The following MLPH variants were observed in gnomAD, a reference collection of about 807,000 sequenced individuals.
The protein encoded by MLPH is melanophilin, also known as exophilin-3.
MLPH carries 51 observed loss-of-function variants against 72.1 expected under a neutral mutation model. The ratio of observed to expected loss-of-function variants is 0.71; its 90% CI spans 0.56 to 0.89. MLPH has a LOEUF of 0.89. MLPH is among the 40% of genes least tolerant of loss of function. The probability of loss-of-function intolerance (pLI) is 0.00; values close to 1 mark genes in which losing one functional copy is unlikely to be tolerated. For missense variants in MLPH, 743 were observed against 759.9 expected, an observed-to-expected ratio of 0.98 and a Z score of 0.26; for synonymous variants, 301 against 310.1, an observed-to-expected ratio of 0.97 and a Z score of 0.31.
chr2:237,511,386 A>G (rs887955427), intron 4 of MLPH: 4 of 415,714 alleles, frequency 9.6e-6, no homozygotes, highest in Non-Finnish European at 1.8e-5. Context: ...TGCTGGGGTT[A>G]TAAGTGTGAG....
intron 6 of MLPH, among the ~76,000 whole-genome samples, chr2:237,522,677 CTG>C (rs1358410629): frequency 6.6e-6 from 1 of 152,082 alleles, no homozygotes; most frequent in Non-Finnish European, 1.5e-5. Flanking sequence ...AGGGCTGAGA[CTG>C]GGGTTGGGCC....
At position 237,499,829 on chromosome 2, in the gene MLPH, C is replaced by T. The variant is rs180990621; in HGVS notation, c.110+6293C>T. On this transcript the variant is annotated intron_variant, in intron 2 of 15. Transcript: ENST00000264605. ...GCGTGATCATGGCTCACTGCAGCCT[C>T]GACCTCCCAGGCTCAAGTAACCCTC... 4.6e-5 allele frequency among the ~76,000 whole-genome samples: 7 copies of T among 152,134 alleles called. No individual in the cohort carries two copies. The East Asian group carries it at 9.7e-4, about 21-fold the overall frequency.
chr2:237,551,767 C>T (rs1262228510), intron 14 of MLPH, among the ~76,000 whole-genome samples: 1 of 152,074 alleles, frequency 6.6e-6, no homozygotes, highest in East Asian at 1.9e-4. Flanking sequence ...CACTTGAAGT[C>T]AGGAGTTCGA....
intron 1 of MLPH, among the ~76,000 whole-genome samples, chr2:237,488,510 T>C (rs975221931): frequency 1.3e-5 from 2 of 152,082 alleles, no homozygotes; most frequent in Admixed American, 6.5e-5. Context: ...GCCTCAGCCT[T>C]CCTGGGCCCA....
At position 237,512,014 on chromosome 2, in the gene MLPH, G is replaced by A. The variant is rs1012330287; in HGVS notation, c.445+913G>A. ...GGCCAAGCATTCGGGTGGGACAGCC[G>A]CCACCAAGCCAGGTGTCTGGGGTCT... On this transcript the variant is annotated intron_variant, in intron 4 of 15. Coordinates refer to ENST00000264605, the MANE Select transcript of MLPH (RefSeq NM_024101.7). This position sits in a 1 kb window ranked among gnomAD's most constrained non-coding sequence, Gnocchi z 5.5. Among the ~76,000 whole-genome samples the A allele has an allele frequency of 1.3e-5, 2 of 152,266 alleles. No homozygotes were observed. Among genetic ancestry groups the A allele is most frequent in the South Asian group, 4.2e-4 (2 of 4,814 alleles).
At chr2:237,493,320 T>G (rs900474219) in intron 1 of MLPH, 83 bp from the exon 2 acceptor site, 3 of 882,458 alleles carry the variant, frequency 3.4e-6, no homozygotes, top group Non-Finnish European at 5.8e-6. Context: ...GTCAGCAGCG[T>G]TCTGTGTTGT....
chr2:237,491,932 C>T (rs1403212638), intron 1 of MLPH, among the ~76,000 whole-genome samples: 2 of 152,170 alleles, frequency 1.3e-5, no homozygotes, highest in Non-Finnish European at 2.9e-5. Flanking sequence ...CGCCCACTAC[C>T]CAAGTGAATG....
At chr2:237,507,997 A>G (rs1244714750) in intron 2 of MLPH, among the ~76,000 whole-genome samples, 1 of 152,150 alleles carries the variant, frequency 6.6e-6, no homozygotes, top group Non-Finnish European at 1.5e-5. Context: ...TCCTCCTCCA[A>G]GCTCATCAGG....
At chr2:237,496,061 G>A (rs1195625367) in intron 2 of MLPH, among the ~76,000 whole-genome samples, 1 of 152,170 alleles carries the variant, frequency 6.6e-6, no homozygotes, top group Non-Finnish European at 1.5e-5. Flanking sequence ...CGTCAGCTTT[G>A]GCGTTCAGGC....
At chr2:237,503,532 G>T (rs2079697943) in intron 2 of MLPH, among the ~76,000 whole-genome samples, 1 of 152,136 alleles carries the variant, frequency 6.6e-6, no homozygotes, top group African/African-American at 2.4e-5. Flanking sequence ...TCCGTCCTCT[G>T]CCAGCCGTTA....
rs147433629 is a variant in MLPH at position 237,550,355 on chromosome 2, G to A, written c.1675+1077G>A. Among the ~76,000 whole-genome samples, 18 of 152,314 alleles carry A rather than the reference G, an allele frequency of 1.2e-4. No individual in the cohort carries two copies. In the East Asian group the frequency reaches 2.9e-3, roughly 24 times the overall value. ...CCCTGAGCTCCCAGCACACATTCTG[G>A]TCAATCCTGGGATACAGCTGGTGCC... On this transcript the variant is annotated intron_variant, in intron 14 of 15. Coordinates refer to ENST00000264605, the MANE Select transcript of MLPH (RefSeq NM_024101.7).
intron 12 of MLPH, among the ~76,000 whole-genome samples, chr2:237,543,062 G>T (rs2080755962): frequency 1.3e-5 from 1 of 77,780 alleles, no homozygotes; most frequent in Admixed American, 1.2e-4. Flanking sequence ...TGGTGAGTGG[G>T]CACGGTAGTG....
At chr2:237,536,491 G>A (rs2080533620) in intron 9 of MLPH, among the ~76,000 whole-genome samples, 1 of 152,226 alleles carries the variant, frequency 6.6e-6, no homozygotes, top group African/African-American at 2.4e-5. Flanking sequence ...TCACTGACCG[G>A]AGAGCACCAG....
chr2:237,526,333 A>T (rs1476014240), intron 7 of MLPH, among the ~76,000 whole-genome samples: 6 of 152,132 alleles, frequency 3.9e-5, no homozygotes, highest in African/African-American at 1.4e-4. Context: ...GAGAGTTCAG[A>T]TGTCCCATCG....
At chr2:237,489,584 T>C (rs2079387955) in intron 1 of MLPH, among the ~76,000 whole-genome samples, 1 of 152,208 alleles carries the variant, frequency 6.6e-6, no homozygotes, top group Non-Finnish European at 1.5e-5. Context: ...CAGAGGGCAC[T>C]ACAGTTGTCA....
intron 5 of MLPH, among the ~76,000 whole-genome samples, chr2:237,519,480 A>C (rs1174347948): frequency 6.6e-6 from 1 of 152,240 alleles, no homozygotes; most frequent in African/African-American, 2.4e-5. Flanking sequence ...AGGCTCTTAC[A>C]TCTAAAGAAC....
chr2:237,525,887 C>T (rs913392291), intron 7 of MLPH, 82 bp downstream of exon 7: 1 of 1,330,478 alleles, frequency 7.5e-7, no homozygotes, highest in African/African-American at 1.4e-5. Flanking sequence ...CCACCCTGAC[C>T]TATCCAACAC....
At chr2:237,533,661 C>T (rs186445307) in intron 8 of MLPH, among the ~76,000 whole-genome samples, 7 of 152,300 alleles carry the variant, frequency 4.6e-5, no homozygotes, top group South Asian at 2.1e-4. Context: ...CCACTGCTTC[C>T]GGGAGACAGA....
chr2:237,503,397 T>G (rs1299806914), intron 2 of MLPH, among the ~76,000 whole-genome samples: 2 of 152,158 alleles, frequency 1.3e-5, no homozygotes, highest in African/African-American at 2.4e-5. Context: ...ATCTTGGTCT[T>G]CCCCTTTAGA....
Sources: gnomAD v4.1 joint callset for allele counts (sites outside exome capture counted in the v4.1 genomes callset) on GRCh38, gnomAD v4.1.1 for gene constraint, Gnocchi (gnomAD v3.1) non-coding constraint, MANE v1.5 for transcripts, NCBI Gene and HGNC (gene_info 2026-07-23, HGNC 2026-07-21) for gene names.